The following CEP63 variants were observed in gnomAD, a reference collection of about 807,000 sequenced individuals.
CEP63 encodes the protein centrosomal protein of 63 kDa.
In CEP63, 84 loss-of-function variants were observed where a neutral mutation model predicts 89.1. The observed-to-expected ratio is 0.94, with a 90% CI of 0.79 to 1.13. The LOEUF is 1.13. CEP63 is among the 50% of genes most tolerant of loss of function. CEP63 has a pLI of 0.00. For synonymous variants in CEP63, 267 were observed against 272.5 expected (o/e 0.98, Z 0.20); for missense variants, 838 against 813.3 (o/e 1.03, Z -0.37).
At chr3:134,535,662 A>G (rs1171241759) in intron 5 of CEP63, 3 of 152,016 alleles carry the variant, frequency 2.0e-5, no homozygotes, top group Non-Finnish European at 4.4e-5. Flanking sequence ...TATCTCCACT[A>G]TGATGTCTAA....
chr3:134,760,121 C>G, the CEP63 span, among the ~76,000 whole-genome samples: 4 of 147,182 alleles, frequency 2.7e-5, no homozygotes, highest in East Asian at 3.9e-4. Context: ...TGCAGTGGCG[C>G]GATCTCGGCT....
chr3:134,622,644 G>C, the CEP63 span, among the ~76,000 whole-genome samples: 1 of 152,144 alleles, frequency 6.6e-6, no homozygotes, highest in African/African-American at 2.4e-5. Flanking sequence ...TAATGCTAGT[G>C]AATTGTACAC....
chr3:134,729,084 T>G, the CEP63 span, among the ~76,000 whole-genome samples: 1 of 152,200 alleles, frequency 6.6e-6, no homozygotes, highest in African/African-American at 2.4e-5. Context: ...TAGGGTTTAT[T>G]TTTAATTTTT....
chr3:134,521,672 A>G (rs1189586651), intron 3 of CEP63, among the ~76,000 whole-genome samples: 1 of 152,192 alleles, frequency 6.6e-6, no homozygotes, highest in Admixed American at 6.5e-5. Context: ...GTACTAGAAG[A>G]TCTGTGAATA....
chr3:134,555,044 C>G (rs867896449), intron 12 of CEP63, among the ~76,000 whole-genome samples: 17 of 152,056 alleles, frequency 1.1e-4, no homozygotes, highest in Admixed American at 2.0e-4. Context: ...TCAATAGATG[C>G]AGAAAAGGCC....
At chr3:134,576,860 T>C (rs376312739), downstream of CEP63, among the ~76,000 whole-genome samples, 54 of 71,366 alleles carry the variant, frequency 7.6e-4, no homozygotes, top group African/African-American at 2.9e-3. Flanking sequence ...GAACTAAAAC[T>C]TGGCTCCCTG....
chr3:134,758,773 C>G, the CEP63 span, among the ~76,000 whole-genome samples: 368 of 152,224 alleles, frequency 2.4e-3, 3 homozygotes, highest in Non-Finnish European at 1.2e-3. Context: ...GAGTTGAGAT[C>G]TGTGGGTGTC....
At chr3:134,560,353 TTATC>T (rs1957129320) in intron 14 of CEP63, among the ~76,000 whole-genome samples, 2 of 152,232 alleles carry the variant, frequency 1.3e-5, no homozygotes, top group Non-Finnish European at 2.9e-5. Context: ...TCCCTAAACT[TTATC>T]TGTAACTCCC....
rs1000478725 is a variant in CEP63, at chr3:134,556,158, A to C, written c.1468-1984A>C. ...TTAAAGACTTAAACGTTAGACCTAA[A>C]ACCATAAAAACCCTAGAAGAAAACC... On this transcript the variant is annotated intron_variant, in intron 12 of 14. Transcript: ENST00000675561. Among the ~76,000 whole-genome samples the C allele has an allele frequency of 4.7e-5, 7 of 150,492 alleles. No individual in the cohort carries two copies. In the Admixed American group the frequency reaches 4.7e-4, roughly 10 times the overall value.
At chr3:134,615,638 G>A in the CEP63 span, among the ~76,000 whole-genome samples, 4 of 150,476 alleles carry the variant, frequency 2.7e-5, no homozygotes, top group African/African-American at 1.0e-4. Context: ...TCATCTTTGT[G>A]AGTGCCATCC....
At chr3:134,578,322 G>GTTTTTTTTTTTTTTTTTTT (rs71139542), downstream of CEP63, among the ~76,000 whole-genome samples, 2 of 62,076 alleles carry the variant, frequency 3.2e-5, no homozygotes, top group African/African-American at 6.2e-5. Flanking sequence ...TCTGACTTGT[G>GTTTTTTTTTTTTTTTTTTT]TTTTTTTTTT....
the CEP63 span, among the ~76,000 whole-genome samples, chr3:134,734,630 T>G: frequency 6.6e-6 from 1 of 152,180 alleles, no homozygotes; most frequent in African/African-American, 2.4e-5. Context: ...GTCAATTTAT[T>G]GGAAAATGGC....
the CEP63 span, among the ~76,000 whole-genome samples, chr3:134,661,997 G>C: frequency 6.6e-6 from 1 of 152,194 alleles, no homozygotes; most frequent in Non-Finnish European, 1.5e-5. Context: ...GAAGGTGCCG[G>C]CTGGGCATGG....
At chr3:134,735,281 C>T in the CEP63 span, among the ~76,000 whole-genome samples, 2 of 152,062 alleles carry the variant, frequency 1.3e-5, no homozygotes, top group Admixed American at 6.6e-5. Flanking sequence ...ATTTGTTCTC[C>T]CTTTTTTTTG....
At chr3:134,536,830 G>GA (rs1950859046) in intron 5 of CEP63, 1 of 337,654 alleles carries the variant, frequency 3.0e-6, no homozygotes, top group South Asian at 2.6e-5. Context: ...TCAGTTTTCT[G>GA]AAAATTCACT....
chr3:134,760,137 C>A, the CEP63 span, among the ~76,000 whole-genome samples: 1 of 150,278 alleles, frequency 6.7e-6, no homozygotes, highest in South Asian at 2.1e-4. Flanking sequence ...CGGCTCACTG[C>A]AAGCTCCGCC....
chr3:134,496,929 C>G (rs1234973559), intron 2 of CEP63, among the ~76,000 whole-genome samples: 1 of 152,162 alleles, frequency 6.6e-6, no homozygotes, highest in Non-Finnish European at 1.5e-5. Context: ...CACATCCCCC[C>G]CAGCATTTGT....
chr3:134,705,808 C>T, the CEP63 span, among the ~76,000 whole-genome samples: 2 of 152,126 alleles, frequency 1.3e-5, no homozygotes, highest in African/African-American at 2.4e-5. Flanking sequence ...GGGACAAGCT[C>T]AGGATATAGA....
At chr3:134,591,991 A>G (rs1470954390), downstream of CEP63, among the ~76,000 whole-genome samples, 1 of 152,248 alleles carries the variant, frequency 6.6e-6, no homozygotes, top group Admixed American at 6.5e-5. Context: ...GCTTCAAATA[A>G]TAAGTTTTCT....
Sources: gnomAD v4.1 joint callset for allele counts (sites outside exome capture counted in the v4.1 genomes callset) on GRCh38, gnomAD v4.1.1 for gene constraint, MANE v1.5 for transcripts, NCBI Gene and HGNC (gene_info 2026-07-23, HGNC 2026-07-21) for gene names.